The following CKMT2 variants were observed in gnomAD, a reference collection of about 807,000 sequenced individuals.
CKMT2 encodes creatine kinase S-type, mitochondrial.
A neutral mutation model predicts 48.9 loss-of-function variants in CKMT2; 43 were observed. That is an observed-to-expected ratio of 0.88 (90% CI 0.69 to 1.13). CKMT2 has a LOEUF of 1.13. Among genes scored for constraint, CKMT2 ranks in the 50% most tolerant of loss-of-function variants. The pLI is 0.00. For missense variants in CKMT2, 472 were observed against 555.4 expected (o/e 0.85, Z 1.51); for synonymous variants, 206 against 213.0 (o/e 0.97, Z 0.29).
At chr5:81,234,042 A>AAAAC (rs1756182972) in intron 1 of CKMT2, among the ~76,000 whole-genome samples, 1 of 151,202 alleles carries the variant, frequency 6.6e-6, no homozygotes, top group East Asian at 1.9e-4. Context: ...AAAAAAAAAA[A>AAAAC]AAAACCTATG....
rs766110342 is a variant in CKMT2, at chr5:81,263,568, C to T, written c.1092C>T (p.Val364=). 109 of 1,612,628 alleles carry T rather than the reference C, an allele frequency of 6.8e-5. No homozygotes were observed. The East Asian group carries it at 1.0e-3, about 15-fold the overall frequency. ...RGTGGVDTAA[V]ADVYDISNID... is the part of the protein sequence containing the mutation. ...CAGGTGGTGTGGACACTGCCGCGGTCGCAGATGTGTACGACATTTCCAACA... is the reference window on the plus strand; with the variant it reads ...CAGGTGGTGTGGACACTGCCGCGGTTGCAGATGTGTACGACATTTCCAACA... The change falls in exon 9 of 10, where the codon GTC becomes GTT. Residue 364 remains valine (V), a synonymous_variant. Coordinates refer to ENST00000254035, the MANE Select transcript of CKMT2 (RefSeq NM_001099735.2).
intron 1 of CKMT2, among the ~76,000 whole-genome samples, chr5:81,243,175 G>A (rs185106736): frequency 1.3e-5 from 2 of 152,284 alleles, no homozygotes; most frequent in Admixed American, 1.3e-4. Flanking sequence ...CAAACATTAG[G>A]AGTGAACAGA....
At chr5:81,235,221 T>C (rs1465620820) in intron 1 of CKMT2, among the ~76,000 whole-genome samples, 1 of 152,198 alleles carries the variant, frequency 6.6e-6, no homozygotes, top group Non-Finnish European at 1.5e-5. Context: ...CCTAGGACTG[T>C]CTATTTGCTG....
At chr5:81,260,845 C>A (rs963082844) in intron 8 of CKMT2, among the ~76,000 whole-genome samples, 6 of 152,172 alleles carry the variant, frequency 3.9e-5, no homozygotes, top group Non-Finnish European at 7.3e-5. Context: ...AAAAGAGGGA[C>A]TCCTCCCTAA....
chr5:81,247,893 A>G (rs1373079500), intron 1 of CKMT2, among the ~76,000 whole-genome samples: 3 of 152,230 alleles, frequency 2.0e-5, no homozygotes, highest in Non-Finnish European at 4.4e-5. Flanking sequence ...CCACAATCAA[A>G]GCTTCCCCAG....
intron 6 of CKMT2, 141 bp downstream of exon 6, chr5:81,257,141 A>AGT (rs3830407): frequency 0.07 from 34,889 of 495,884 alleles, 702 homozygotes; most frequent in East Asian, 0.17. Flanking sequence ...CTACTTGGAA[A>AGT]GTGTGTGTGT....
At position 81,266,263 on chromosome 5, in the gene CKMT2, T is replaced by C. The variant is rs368000160; in HGVS notation, c.*5T>C. 4 of 1,612,530 alleles carry C rather than the reference T, an allele frequency of 2.5e-6. No individual in the cohort carries two copies. Among genetic ancestry groups the C allele is most frequent in the African/African-American group, 2.7e-5 (2 of 75,008 alleles). ...CCTCAGTTTGGCAAAAAGTAAACTT[T>C]CCCTTTCCCAATTTATAAATAATCT... On this transcript the variant is annotated 3_prime_UTR_variant, in exon 10 of 10. Transcript: ENST00000254035.
At position 81,266,199 on chromosome 5, in the gene CKMT2, T is replaced by C. The variant is rs749369302; in HGVS notation, c.1201T>C (p.Leu401=). 2 of 1,613,450 alleles carry C rather than the reference T, an allele frequency of 1.2e-6. No homozygotes were observed. Among genetic ancestry groups the C allele is most frequent in the Non-Finnish European group, 1.7e-6 (2 of 1,179,436 alleles). The change falls in exon 10 of 10, where the codon TTG becomes CTG. Residue 401 remains leucine (L), a synonymous_variant. Coordinates refer to ENST00000254035, the MANE Select transcript of CKMT2 (RefSeq NM_001099735.2). ...VNYLVDCEKK[L]ERGQDIKVPP... ...TTACCTGGTGGATTGTGAAAAGAAGTTGGAGAGAGGCCAAGATATTAAGGT... is the reference window on the plus strand; with the variant it reads ...TTACCTGGTGGATTGTGAAAAGAAGCTGGAGAGAGGCCAAGATATTAAGGT...
intron 1 of CKMT2, among the ~76,000 whole-genome samples, chr5:81,237,006 A>C (rs1458575834): frequency 1.3e-5 from 2 of 152,070 alleles, no homozygotes; most frequent in Non-Finnish European, 2.9e-5. Context: ...AAAATTAGCC[A>C]CATGTGGTGG....
rs781475123 is a variant in CKMT2, at chr5:81,252,761, T to C, written c.219T>C (p.Tyr73=). 3.7e-6 allele frequency: 6 copies of C among 1,614,200 alleles called. No individual in the cohort carries two copies. The highest frequency in any genetic ancestry group is 3.3e-5 in the Admixed American group (2 of 60,028). The change falls in exon 3 of 10, where the codon TAT becomes TAC. Residue 73 remains tyrosine, a synonymous_variant. Coordinates refer to ENST00000254035, the MANE Select transcript of CKMT2 (RefSeq NM_001099735.2). ...CCGAGTGCCTCACCCCCGCCATTTA[T>C]GCCAAGCTTCGCAACAAGGTGACAC... ...CMAECLTPAI[Y]AKLRNKVTPN...
chr5:81,260,781 G>A (rs1004928269), intron 8 of CKMT2, among the ~76,000 whole-genome samples: 8 of 152,286 alleles, frequency 5.3e-5, no homozygotes, highest in Middle Eastern at 6.8e-3. Context: ...AATTCTACCA[G>A]AGGTACAAAG....
At chr5:81,257,679 A>G in intron 6 of CKMT2, 54 bp from the exon 7 acceptor site, 1 of 1,535,966 alleles carries the variant, frequency 6.5e-7, no homozygotes, top group Non-Finnish European at 8.9e-7. Flanking sequence ...GGGAATTTTC[A>G]TGTGTTGAAA....
chr5:81,257,347 A>C (rs1414507744), intron 6 of CKMT2, among the ~76,000 whole-genome samples: 1 of 152,194 alleles, frequency 6.6e-6, no homozygotes, highest in Non-Finnish European at 1.5e-5. Flanking sequence ...TACCTTCAAC[A>C]TCTTGGGTGG....
At position 81,259,785 on chromosome 5, in the gene CKMT2, T is replaced by C. The variant is rs1285206585; in HGVS notation, c.1014+531T>C. On this transcript the variant is annotated intron_variant, in intron 8 of 9. Transcript: ENST00000254035. ...TCCCACACAATAACAGTGAGAGACT[T>C]TAACACCCCATTGTCAATATTAGAT... 1.1e-3 allele frequency among the ~76,000 whole-genome samples: 163 copies of C among 152,284 alleles called. 1 individual carries two copies. The highest frequency in any genetic ancestry group is 1.7e-3 in the East Asian group (9 of 5,184).
intron 1 of CKMT2, among the ~76,000 whole-genome samples, chr5:81,240,841 T>C (rs1206045322): frequency 6.6e-6 from 1 of 152,184 alleles, no homozygotes; most frequent in African/African-American, 2.4e-5. Context: ...ATATTAAAAA[T>C]GTTATAATAA....
intron 8 of CKMT2, among the ~76,000 whole-genome samples, chr5:81,260,478 CA>C (rs1757176519): frequency 6.6e-6 from 1 of 151,148 alleles, no homozygotes; most frequent in Admixed American, 6.6e-5. Flanking sequence ...GACCACTAGT[CA>C]GGCTAAAAAG....
intron 8 of CKMT2, among the ~76,000 whole-genome samples, chr5:81,263,090 CTG>C (rs1264146860): frequency 6.6e-6 from 1 of 150,432 alleles, no homozygotes; most frequent in Non-Finnish European, 1.5e-5. Context: ...AAACCAAACA[CTG>C]TATGTTCTCA....
intron 8 of CKMT2, among the ~76,000 whole-genome samples, chr5:81,260,062 AACTC>A (rs1378861637): frequency 2.6e-5 from 4 of 152,238 alleles, no homozygotes; most frequent in Non-Finnish European, 5.9e-5. Flanking sequence ...AAGATTAAGA[AACTC>A]ACTCAAAACC....
intron 5 of CKMT2, among the ~76,000 whole-genome samples, chr5:81,256,122 T>C (rs1261760018): frequency 6.6e-6 from 1 of 152,168 alleles, no homozygotes; most frequent in Non-Finnish European, 1.5e-5. Flanking sequence ...TGAATATATC[T>C]CTCTGTAGAG....
Sources: allele counts gnomAD v4.1 joint callset (sites outside exome capture counted in the v4.1 genomes callset), GRCh38; gene constraint gnomAD v4.1.1; transcripts MANE v1.5; gene names NCBI Gene and HGNC (gene_info 2026-07-23, HGNC 2026-07-21).